Variants in SNX25 observed in about 807,000 individuals in gnomAD.
SNX25 encodes sorting nexin-25.
Under a neutral mutation model 113.7 loss-of-function variants are expected in SNX25, and 62 were observed. The observed-to-expected ratio is 0.55, with a 90% CI of 0.44 to 0.67. The LOEUF (loss-of-function observed/expected upper bound fraction) is 0.67, where lower values mean the gene tolerates loss of function less well. Among genes scored for constraint, SNX25 ranks in the 30% least tolerant of loss-of-function variants. SNX25 has a pLI of 0.00. For synonymous variants in SNX25, 421 were observed against 436.2 expected, an observed-to-expected ratio of 0.97 and a Z score of 0.43; for missense variants, 1,014 against 1,161.0, an observed-to-expected ratio of 0.87 and a Z score of 1.84.
intron 16 of SNX25, among the ~76,000 whole-genome samples, chr4:185,359,593 A>G (rs1050661347): frequency 7.9e-5 from 12 of 152,116 alleles, no homozygotes; most frequent in African/African-American, 2.7e-4. Flanking sequence ...CAGGAGTTCG[A>G]GATCAGCCTG....
intron 1 of SNX25, among the ~76,000 whole-genome samples, chr4:185,222,064 C>T (rs1739980277): frequency 9.0e-6 from 1 of 110,948 alleles, no homozygotes; most frequent in Admixed American, 9.6e-5. Flanking sequence ...ACCCCTCCTT[C>T]ATGGTAGGTA....
intron 1 of SNX25, among the ~76,000 whole-genome samples, chr4:185,224,490 AATAGATATATAAATAT>A (rs1421732956): frequency 1.7e-4 from 23 of 132,986 alleles, no homozygotes; most frequent in African/African-American, 5.1e-4. Context: ...TAGATATATA[AATAGATATATAAATAT>A]ATAGATATAT....
At chr4:185,280,795 A>G (rs1750455064) in intron 5 of SNX25, among the ~76,000 whole-genome samples, 1 of 152,228 alleles carries the variant, frequency 6.6e-6, no homozygotes, top group Non-Finnish European at 1.5e-5. Context: ...AGTAAGAATG[A>G]CAGATTCTAC....
chr4:185,322,688 G>A (rs1443676210), intron 8 of SNX25, among the ~76,000 whole-genome samples: 1 of 152,052 alleles, frequency 6.6e-6, no homozygotes, highest in African/African-American at 2.4e-5. Flanking sequence ...ATAACTTCTG[G>A]TTGTTCTCAA....
At chr4:185,376,443 C>CTTT in the SNX25 span, among the ~76,000 whole-genome samples, 280 of 105,770 alleles carry the variant, frequency 2.6e-3, 5 homozygotes, top group African/African-American at 4.0e-3. Context: ...TGCCCAGCTA[C>CTTT]TTTTTTTTTT....
intron 7 of SNX25, among the ~76,000 whole-genome samples, chr4:185,314,225 C>T (rs1164568736): frequency 6.7e-6 from 1 of 148,254 alleles, no homozygotes; most frequent in East Asian, 2.0e-4. Flanking sequence ...TGAGGGGGCT[C>T]ATGCTGGTAA....
At chr4:185,230,611 C>T (rs888525364) in intron 1 of SNX25, among the ~76,000 whole-genome samples, 1 of 151,542 alleles carries the variant, frequency 6.6e-6, no homozygotes, top group African/African-American at 2.4e-5. Flanking sequence ...GTTGGTCAGG[C>T]TGGTCTCGAA....
chr4:185,264,454 A>G lies in SNX25; in HGVS notation c.748A>G (p.Arg250Gly). Reference protein sequence around the residue: ...AANARHEEQPRPFVLHACLRN... With the variant: ...AANARHEEQPGPFVLHACLRN... ...TTTATTTAGACATGAAGAACAGCCA[A>G]GACCTTTTGTGTTGCACGCATGCTT... The change falls in exon 4 of 19, where the codon AGA becomes GGA. Residue 250 changes from arginine (R) to glycine (G), a missense_variant. Coordinates refer to ENST00000652585, the MANE Select transcript of SNX25 (RefSeq NM_001378034.2). The G allele has an allele frequency of 6.2e-7, 1 of 1,613,118 alleles. No homozygotes were observed. The highest frequency in any genetic ancestry group is 8.5e-7 in the Non-Finnish European group (1 of 1,179,870).
rs748129035 is a variant in SNX25 at position 185,320,717 on chromosome 4, T to C, written c.1345-16T>C. The C allele has an allele frequency of 2.8e-6, 4 of 1,434,476 alleles. No homozygotes were observed. The African/African-American group carries it at 4.3e-5, about 16-fold the overall frequency. 88.9% of individuals were successfully genotyped at this position (1,434,476 alleles called of 1,614,324 possible). On this transcript the variant is annotated splice_polypyrimidine_tract_variant and intron_variant, in intron 7 of 18. Coordinates refer to ENST00000652585, the MANE Select transcript of SNX25 (RefSeq NM_001378034.2). ...AATTCGATTTTAAAAAAAGTTTTCTTAAATTCTCTTAATAGATTCTTCAGT... is the reference window on the plus strand; with the variant it reads ...AATTCGATTTTAAAAAAAGTTTTCTCAAATTCTCTTAATAGATTCTTCAGT...
At chr4:185,212,027 C>G (rs1336286468) in intron 1 of SNX25, among the ~76,000 whole-genome samples, 2 of 152,140 alleles carry the variant, frequency 1.3e-5, no homozygotes, top group Non-Finnish European at 2.9e-5. Flanking sequence ...GTATAAATCT[C>G]TCATGAATAC....
rs182762240 is a variant in SNX25, at chr4:185,239,339, C to T, written c.430-7955C>T. Among the ~76,000 whole-genome samples the T allele has an allele frequency of 4.2e-3, 645 of 152,058 alleles. 4 individuals are homozygous for T. The highest frequency in any genetic ancestry group is 0.031 in the South Asian group (149 of 4,812). On this transcript the variant is annotated intron_variant, in intron 1 of 18. Transcript: ENST00000652585. Reference sequence around the variant, plus strand: ...TCTACTAAAAATGCAAAAAATTAGCCGGGCGTGGTGGTGGGCACCTGTAGT... The same window carrying T: ...TCTACTAAAAATGCAAAAAATTAGCTGGGCGTGGTGGTGGGCACCTGTAGT...
intron 7 of SNX25, among the ~76,000 whole-genome samples, chr4:185,320,491 G>GA (rs1404378328): frequency 1.7e-4 from 26 of 152,094 alleles, no homozygotes; most frequent in African/African-American, 5.3e-4. Flanking sequence ...GGGGGCAAGG[G>GA]GAGAGAACTT....
At chr4:185,274,719 ATATC>A (rs1476308010) in intron 5 of SNX25, among the ~76,000 whole-genome samples, 2 of 152,236 alleles carry the variant, frequency 1.3e-5, no homozygotes, top group Admixed American at 6.5e-5. Context: ...CATGTGCTGA[ATATC>A]TATTATGTAT....
intron 6 of SNX25, among the ~76,000 whole-genome samples, chr4:185,295,426 C>A (rs1752705040): frequency 6.6e-6 from 1 of 150,432 alleles, no homozygotes; most frequent in African/African-American, 2.4e-5. Context: ...TAGTTTTGTT[C>A]CATATAAAGA....
intron 6 of SNX25, among the ~76,000 whole-genome samples, chr4:185,303,658 C>CAAAA (rs34378168): frequency 4.7e-4 from 24 of 50,720 alleles, no homozygotes; most frequent in Non-Finnish European, 6.4e-4. Context: ...GACTCTGTCT[C>CAAAA]AAAAAAAAAA....
At chr4:185,366,281 A>G (rs1263274798), downstream of SNX25, 2 of 152,248 alleles carry the variant, frequency 1.3e-5, no homozygotes, top group Non-Finnish European at 2.9e-5. Flanking sequence ...GTTCTTGTAA[A>G]TGATTTCATT....
chr4:185,300,570 T>G (rs1341275581), intron 6 of SNX25, among the ~76,000 whole-genome samples: 1 of 152,076 alleles, frequency 6.6e-6, no homozygotes, highest in Non-Finnish European at 1.5e-5. Context: ...TGGACTCTTG[T>G]GGACTTCTCC....
chr4:185,276,723 A>G (rs918800627), intron 5 of SNX25, among the ~76,000 whole-genome samples: 2 of 152,168 alleles, frequency 1.3e-5, no homozygotes, highest in Non-Finnish European at 2.9e-5. Flanking sequence ...CATCTTTCCC[A>G]TCTAGCAATG....
intron 5 of SNX25, among the ~76,000 whole-genome samples, chr4:185,275,103 A>G (rs917187345): frequency 2.6e-5 from 4 of 152,228 alleles, no homozygotes; most frequent in African/African-American, 7.2e-5. Flanking sequence ...TTATTAGGAC[A>G]GTGATAGACT....
Sources: allele counts gnomAD v4.1 joint callset (sites outside exome capture counted in the v4.1 genomes callset), GRCh38; gene constraint gnomAD v4.1.1; transcripts MANE v1.5; gene names NCBI Gene and HGNC (gene_info 2026-07-23, HGNC 2026-07-21).